The following TAC4 variants were observed in gnomAD, a reference collection of about 807,000 sequenced individuals.
TAC4 encodes the protein tachykinin-4.
A neutral mutation model predicts 17.7 loss-of-function variants in TAC4; 17 were observed. The observed-to-expected ratio is 0.96, with a 90% CI of 0.66 to 1.44. The LOEUF (loss-of-function observed/expected upper bound fraction) is 1.44, where lower values mean the gene tolerates loss of function less well. TAC4 is among the 40% of genes most tolerant of loss of function. The probability of loss-of-function intolerance (pLI) is 0.00; values close to 1 mark genes in which losing one functional copy is unlikely to be tolerated. For synonymous variants in TAC4, 62 were observed against 52.4 expected (o/e 1.18, Z -0.79); for missense variants, 118 against 125.6 (o/e 0.94, Z 0.29).
chr17:49,847,271 G>A (rs2074549891), intron 1 of TAC4: 1 of 1,283,756 alleles, frequency 7.8e-7, no homozygotes, highest in African/African-American at 1.5e-5. Context: ...GTTGGTATCT[G>A]TCCCTTGTCT....
intron 1 of TAC4, chr17:49,846,934 G>T: frequency 7.8e-7 from 1 of 1,283,814 alleles, no homozygotes; most frequent in Non-Finnish European, 1.0e-6. Context: ...TTTTGCAGGT[G>T]AGGAAACTGA....
At chr17:49,840,267 C>A (rs1268030432) in intron 3 of TAC4, among the ~76,000 whole-genome samples, 1 of 152,072 alleles carries the variant, frequency 6.6e-6, no homozygotes, top group Non-Finnish European at 1.5e-5. Context: ...GGACACCAGC[C>A]AGCTATGTGA....
In TAC4 at chr17:49,840,329, A is replaced by C. The variant is rs530756460; in HGVS notation, c.233-420T>G. On this transcript the variant is annotated intron_variant, in intron 3 of 4. Coordinates refer to ENST00000436235, the MANE Select transcript of TAC4 (RefSeq NM_001077506.2). ...GCCAGGAACAGGGTCGCACTAGGCC[A>C]TGGAGACAAGCTCTGTCTGTGTACG... is the stretch of plus-strand genomic sequence containing the variant. Among the ~76,000 whole-genome samples, 9 of 152,182 alleles carry C rather than the reference A, an allele frequency of 5.9e-5. No individual in the cohort carries two copies. In the South Asian group the frequency reaches 1.9e-3, roughly 32 times the overall value.
chr17:49,841,282 A>G (rs2074496229), intron 3 of TAC4, among the ~76,000 whole-genome samples: 1 of 124,296 alleles, frequency 8.0e-6, no homozygotes, highest in East Asian at 2.4e-4. Context: ...TCCAGGCTTT[A>G]GACGTAAGGT....
chr17:49,846,375 C>T (rs1480417173), intron 1 of TAC4: 4 of 505,402 alleles, frequency 7.9e-6, no homozygotes, highest in Non-Finnish European at 1.3e-5. Context: ...TTCCTGGGTC[C>T]CAGTGATCCT....
chr17:49,841,285 CGTAAG>C (rs2074496302), intron 3 of TAC4, among the ~76,000 whole-genome samples: 1 of 137,568 alleles, frequency 7.3e-6, no homozygotes, highest in Non-Finnish European at 1.5e-5. Context: ...AGGCTTTAGA[CGTAAG>C]GTAATTTTGA....
intron 1 of TAC4, chr17:49,847,673 AC>A (rs2074553700): frequency 2.5e-6 from 1 of 398,634 alleles, no homozygotes; most frequent in African/African-American, 2.9e-5. Flanking sequence ...TATTTCTTAC[AC>A]ACACACACAC....
intron 3 of TAC4, among the ~76,000 whole-genome samples, chr17:49,840,612 C>G (rs2074490117): frequency 6.6e-6 from 1 of 152,028 alleles, no homozygotes; most frequent in African/African-American, 2.4e-5. Context: ...AAGCGATTCT[C>G]CTGCCTCAGC....
Position 49,844,061 on chromosome 17 carries a change from C to T in TAC4, c.199+3G>A. 6.3e-7 allele frequency: 1 copy of T among 1,596,962 alleles called. No homozygotes were observed. Among genetic ancestry groups the T allele is most frequent in the Non-Finnish European group, 8.5e-7 (1 of 1,178,936 alleles). ...GCTGGGCTCCATTGTCATTGTCACT[C>T]ACCTCCCACTCGCTTCCCCATCAGC... is the stretch of plus-strand genomic sequence containing the variant. On this transcript the variant is annotated splice_donor_region_variant and intron_variant, in intron 2 of 4. Transcript: ENST00000436235.
At chr17:49,846,824 A>G (rs1006132953) in intron 1 of TAC4, 5 of 631,382 alleles carry the variant, frequency 7.9e-6, no homozygotes, top group Non-Finnish European at 1.2e-5. Context: ...ATCACCCAGC[A>G]AGGCTTCTGT....
At chr17:49,840,392 C>T (rs2074487890) in intron 3 of TAC4, among the ~76,000 whole-genome samples, 1 of 152,148 alleles carries the variant, frequency 6.6e-6, no homozygotes, top group Non-Finnish European at 1.5e-5. Flanking sequence ...TAGGATGGGG[C>T]TAGGAGTCAG....
At position 49,841,571 on chromosome 17, in the gene TAC4, G is replaced by C. The variant is rs772168341; in HGVS notation, c.213C>G (p.Ile71Met). 1.1e-5 allele frequency: 18 copies of C among 1,576,900 alleles called. No individual in the cohort carries two copies. In the East Asian group the frequency reaches 4.2e-4, roughly 37 times the overall value. ...MGKRVGGRPL[I>M]QPRRKKAYQL... is the part of the protein sequence containing the mutation. The stretch of plus-strand genomic sequence containing the variant: ...ACTTACCTTTTTTTCTCCTTGGCTG[G>C]ATCAGAGGTCTTCCTGGGGGAAGGA... The change falls in exon 3 of 5, where the codon ATC (isoleucine) becomes ATG (methionine). Residue 71 changes from isoleucine (I) to methionine (M), a missense_variant. By Grantham distance (10) the Ile-to-Met change is conservative. Coordinates refer to ENST00000436235, the MANE Select transcript of TAC4 (RefSeq NM_001077506.2).
Position 49,841,445 on chromosome 17 carries a change from T to G in TAC4, c.232+107A>C, listed in dbSNP as rs1598102616. On this transcript the variant is annotated intron_variant, in intron 3 of 4. Transcript: ENST00000436235. ...CTCTGCACAGCAATGCCAGCCTGGC[T>G]TGCCCCTGGCCAGAGCATCTCCCCT... The G allele has an allele frequency of 3.3e-6, 4 of 1,214,592 alleles. No homozygotes were observed. The East Asian group carries it at 1.1e-4, about 34-fold the overall frequency. The allele number at this position is 1,214,592 out of a possible 1,614,324, so 75.2% of individuals were successfully genotyped here. A position where few individuals can be genotyped will look rare whatever the true frequency, so the allele number is the denominator to read the frequency against.
chr17:49,848,044 C>T lies in TAC4; in HGVS notation c.-27G>A. ...GTGAGCCTGCACTGTCCTGGAATCT[C>T]TGGGAGCCCCTCTCAGCTTGAAGAT... On this transcript the variant is annotated 5_prime_UTR_variant, in exon 1 of 5. Coordinates refer to ENST00000436235, the MANE Select transcript of TAC4 (RefSeq NM_001077506.2). 6.2e-7 allele frequency: 1 copy of T among 1,612,258 alleles called. No homozygotes were observed. Among genetic ancestry groups the T allele is most frequent in the South Asian group, 1.1e-5 (1 of 90,952 alleles).
intron 2 of TAC4, among the ~76,000 whole-genome samples, chr17:49,843,140 A>C (rs2074511106): frequency 2.6e-5 from 4 of 152,220 alleles, no homozygotes; most frequent in African/African-American, 9.7e-5. Context: ...CACATTTCCA[A>C]CTTGCCTGGA....
At chr17:49,846,934 G>A in intron 1 of TAC4, 1 of 1,283,814 alleles carries the variant, frequency 7.8e-7, no homozygotes, top group South Asian at 1.2e-5. Context: ...TTTTGCAGGT[G>A]AGGAAACTGA....
intron 1 of TAC4, among the ~76,000 whole-genome samples, chr17:49,844,964 T>G (rs1247887343): frequency 6.6e-6 from 1 of 152,258 alleles, no homozygotes; most frequent in Non-Finnish European, 1.5e-5. Context: ...TTAAGTGACT[T>G]GTCCAAGGTC....
rs775637100 is a variant in TAC4, at chr17:49,841,577, A to C, written c.207T>G (p.Pro69=). 1 of 1,575,686 alleles carries C rather than the reference A, an allele frequency of 6.3e-7. No individual in the cohort carries two copies. Among genetic ancestry groups the C allele is most frequent in the Non-Finnish European group, 8.6e-7 (1 of 1,162,192 alleles). The change falls in exon 3 of 5, where the codon CCT becomes CCG. Residue 69 remains proline, a synonymous_variant. Coordinates refer to ENST00000436235, the MANE Select transcript of TAC4 (RefSeq NM_001077506.2). ...GLMGKRVGGR[P]LIQPRRKKAY... is the part of the protein sequence containing the mutation. ...CTTTTTTTCTCCTTGGCTGGATCAG[A>C]GGTCTTCCTGGGGGAAGGAGAAGGA...
intron 1 of TAC4, among the ~76,000 whole-genome samples, chr17:49,845,151 C>T (rs2074528591): frequency 2.0e-5 from 3 of 152,216 alleles, no homozygotes; most frequent in African/African-American, 4.8e-5. Context: ...CTCTCTTCCC[C>T]AGGCACTTCC....
Sources: gnomAD v4.1 joint callset for allele counts (sites outside exome capture counted in the v4.1 genomes callset) on GRCh38, gnomAD v4.1.1 for gene constraint, MANE v1.5 for transcripts, NCBI Gene and HGNC (gene_info 2026-07-23, HGNC 2026-07-21) for gene names.